Variants in TMEM178A observed in about 807,000 individuals in gnomAD.
TMEM178A encodes the protein transmembrane protein 178A.
Under a neutral mutation model 29.1 loss-of-function variants are expected in TMEM178A, and 12 were observed. The observed-to-expected ratio is 0.41, with a 90% CI of 0.26 to 0.67. The LOEUF is 0.67. TMEM178A is among the 30% of genes least tolerant of loss of function. TMEM178A has a pLI of 0.29. For missense variants in TMEM178A, 366 were observed against 419.1 expected (o/e 0.87, Z 1.11); for synonymous variants, 210 against 187.2 (o/e 1.12, Z -0.99).
At chr2:39,712,312 C>T (rs984181681) in intron 3 of TMEM178A, among the ~76,000 whole-genome samples, 10 of 152,114 alleles carry the variant, frequency 6.6e-5, no homozygotes, top group African/African-American at 2.4e-4. Context: ...GCAACTTCCA[C>T]TCCTTTCAGT....
chr2:39,668,547 A>G (rs1449967035), intron 1 of TMEM178A, among the ~76,000 whole-genome samples: 2 of 152,206 alleles, frequency 1.3e-5, no homozygotes, highest in Admixed American at 1.3e-4. Flanking sequence ...AGGAGGGATG[A>G]CTATTCTTTA....
chr2:39,677,268 A>C (rs901935831), intron 1 of TMEM178A, among the ~76,000 whole-genome samples: 1 of 152,114 alleles, frequency 6.6e-6, no homozygotes, highest in Admixed American at 6.5e-5. Flanking sequence ...CATTTATAGA[A>C]TCTGTTCAAG....
chr2:39,719,659 A>G (rs1672665862), downstream of TMEM178A, among the ~76,000 whole-genome samples: 1 of 152,234 alleles, frequency 6.6e-6, no homozygotes, highest in African/African-American at 2.4e-5. Flanking sequence ...ATGATTGCAC[A>G]GTACTGTGCA....
the TMEM178A span, among the ~76,000 whole-genome samples, chr2:39,724,920 C>T: frequency 6.6e-6 from 1 of 152,194 alleles, no homozygotes; most frequent in Non-Finnish European, 1.5e-5. Flanking sequence ...GATGGTAAAT[C>T]GCTATCATGC....
chr2:39,733,831 T>A, the TMEM178A span, among the ~76,000 whole-genome samples: 1 of 152,230 alleles, frequency 6.6e-6, no homozygotes, highest in African/African-American at 2.4e-5. Context: ...GTCTGTATGC[T>A]GTCTTCCTAC....
At chr2:39,676,653 A>G (rs1670638370) in intron 1 of TMEM178A, among the ~76,000 whole-genome samples, 1 of 152,194 alleles carries the variant, frequency 6.6e-6, no homozygotes, top group Non-Finnish European at 1.5e-5. Context: ...CTCCCCAGGA[A>G]GCACTTGGCT....
chr2:39,706,349 T>C (rs1041045694), intron 2 of TMEM178A, among the ~76,000 whole-genome samples: 5 of 152,334 alleles, frequency 3.3e-5, no homozygotes, highest in African/African-American at 1.2e-4. Flanking sequence ...ATCTATGCTT[T>C]AGGGGAGAAG....
chr2:39,708,565 C>T (rs112870427), intron 3 of TMEM178A, among the ~76,000 whole-genome samples: 3,335 of 150,374 alleles, frequency 0.022, 108 homozygotes, highest in African/African-American at 0.076. Flanking sequence ...ACTACAGGCG[C>T]GCGCCACCAT....
At chr2:39,671,238 T>C (rs543450561) in intron 1 of TMEM178A, among the ~76,000 whole-genome samples, 88 of 152,342 alleles carry the variant, frequency 5.8e-4, no homozygotes, top group Non-Finnish European at 9.0e-4. Context: ...ACTCTGCTCA[T>C]GATTTATCTG....
rs543284037 is a variant in TMEM178A at position 39,673,563 on chromosome 2, A to G, written c.400+7189A>G. ...GTTTCACCAAGTGATTTGACATTCT[A>G]TAGCTAGGGAAGAGACTCCAGAAAT... is the stretch of plus-strand genomic sequence containing the variant. On this transcript the variant is annotated intron_variant, in intron 1 of 3. Transcript: ENST00000281961. Among the ~76,000 whole-genome samples the G allele has an allele frequency of 3.9e-5, 6 of 152,366 alleles. No homozygotes were observed. In the South Asian group the frequency reaches 8.3e-4, roughly 21 times the overall value.
At chr2:39,671,739 T>A (rs761773890) in intron 1 of TMEM178A, among the ~76,000 whole-genome samples, 1 of 152,176 alleles carries the variant, frequency 6.6e-6, no homozygotes, top group Non-Finnish European at 1.5e-5. Context: ...GTTCAACCAT[T>A]TTCATGCCAC....
chr2:39,721,346 C>T (rs1672698500), downstream of TMEM178A, among the ~76,000 whole-genome samples: 1 of 152,236 alleles, frequency 6.6e-6, no homozygotes. Context: ...AATATGTCTG[C>T]CTGGAGCCCC....
chr2:39,722,352 A>C (rs1672721875), downstream of TMEM178A, among the ~76,000 whole-genome samples: 1 of 152,164 alleles, frequency 6.6e-6, no homozygotes, highest in Non-Finnish European at 1.5e-5. Context: ...AAAAACTGCT[A>C]AGTTTTATGG....
chr2:39,731,908 T>C, the TMEM178A span, among the ~76,000 whole-genome samples: 1 of 152,152 alleles, frequency 6.6e-6, no homozygotes, highest in Admixed American at 6.5e-5. Flanking sequence ...GGGCAGGCAA[T>C]CTTCCAACTA....
chr2:39,714,100 C>T (rs1672430995), intron 3 of TMEM178A, among the ~76,000 whole-genome samples: 1 of 152,044 alleles, frequency 6.6e-6, no homozygotes, highest in Non-Finnish European at 1.5e-5. Context: ...ATGAAGAGCT[C>T]CTAGATATGG....
Position 39,717,638 on chromosome 2 carries a change from G to C in TMEM178A, c.*387G>C, listed in dbSNP as rs1572702202. ...GTAACAAAGCGAGTATAATTTTCTT[G>C]TCATTGTATCATGCTTGTTAAATTT... On this transcript the variant is annotated 3_prime_UTR_variant, in exon 4 of 4. Transcript: ENST00000281961. 6.0e-6 allele frequency: 1 copy of C among 167,528 alleles called. No homozygotes were observed. The highest frequency in any genetic ancestry group is 1.3e-5 in the Non-Finnish European group (1 of 76,482). 10.4% of individuals were successfully genotyped at this position (167,528 alleles called of 1,614,324 possible).
At chr2:39,676,512 C>G (rs1670630346) in intron 1 of TMEM178A, among the ~76,000 whole-genome samples, 2 of 152,230 alleles carry the variant, frequency 1.3e-5, no homozygotes, top group Admixed American at 1.3e-4. Context: ...GTCCTGCAGA[C>G]TTCCCACCGG....
At chr2:39,686,887 A>G (rs1671097930) in intron 1 of TMEM178A, among the ~76,000 whole-genome samples, 3 of 152,158 alleles carry the variant, frequency 2.0e-5, no homozygotes, top group African/African-American at 7.2e-5. Flanking sequence ...GCTGCTTGAC[A>G]TAAAATTAGG....
At chr2:39,669,749 C>G (rs1670332492) in intron 1 of TMEM178A, among the ~76,000 whole-genome samples, 1 of 152,220 alleles carries the variant, frequency 6.6e-6, no homozygotes, top group Non-Finnish European at 1.5e-5. Context: ...TTTCTAGCAG[C>G]AAGTTCTCTT....
Sources: gnomAD v4.1 joint callset for allele counts (sites outside exome capture counted in the v4.1 genomes callset) on GRCh38, gnomAD v4.1.1 for gene constraint, MANE v1.5 for transcripts, NCBI Gene and HGNC (gene_info 2026-07-23, HGNC 2026-07-21) for gene names.